The following SYNE2 variants were observed in gnomAD, a reference collection of about 807,000 sequenced individuals.
SYNE2 encodes spectrin repeat containing nuclear envelope protein 2.
SYNE2 carries 431 observed loss-of-function variants against 856.3 expected under a neutral mutation model. That is an observed-to-expected ratio of 0.50 (90% CI 0.47 to 0.55). The LOEUF (loss-of-function observed/expected upper bound fraction) is 0.55. SYNE2 is among the 20% of genes least tolerant of loss of function. The probability of loss-of-function intolerance (pLI) is 0.00; values close to 1 mark genes in which losing one functional copy is unlikely to be tolerated. For synonymous variants in SYNE2, 2,923 were observed against 2,872.3 expected (o/e 1.02, Z -0.56); for missense variants, 8,129 against 8,023.2 (o/e 1.01, Z -0.50).
chr14:63,778,885 T>A (rs557248232), intron 1 of SYNE2, among the ~76,000 whole-genome samples: 16 of 152,182 alleles, frequency 1.1e-4, no homozygotes, highest in Non-Finnish European at 2.1e-4. Flanking sequence ...GCCTTAGTGA[T>A]CCTCCTGCCT....
chr14:64,131,796 G>A (rs1188127294), intron 76 of SYNE2, among the ~76,000 whole-genome samples: 1 of 152,124 alleles, frequency 6.6e-6, no homozygotes, highest in Non-Finnish European at 1.5e-5. Context: ...GATTTAGAAA[G>A]ATCTATCTGG....
In SYNE2 at chr14:63,990,632, G is replaced by T. The variant is rs2096659483; in HGVS notation, c.2472+63G>T. Reference sequence around the variant, plus strand: ...TCTAAAACTGAGGGGTCACTGAGTGGGCAGTGAAGGGGGGTGATAGCCCTG... The same window carrying T: ...TCTAAAACTGAGGGGTCACTGAGTGTGCAGTGAAGGGGGGTGATAGCCCTG... On this transcript the variant is annotated intron_variant, in intron 20 of 115. Transcript: ENST00000555002. 2.1e-6 allele frequency: 3 copies of T among 1,405,374 alleles called. No individual in the cohort carries two copies. The Admixed American group carries it at 5.0e-5, about 24-fold the overall frequency. The allele number at this position is 1,405,374 out of a possible 1,614,324, so 87.1% of individuals were successfully genotyped here.
intron 1 of SYNE2, chr14:63,762,289 G>T (rs1886511698): frequency 5.4e-6 from 1 of 185,164 alleles, no homozygotes; most frequent in Non-Finnish European, 1.1e-5. Flanking sequence ...CAAAAAATTA[G>T]CCGGGCGTGG....
chr14:63,822,758 C>T (rs745847305), intron 1 of SYNE2, among the ~76,000 whole-genome samples: 2 of 152,120 alleles, frequency 1.3e-5, no homozygotes, highest in Admixed American at 6.6e-5. Flanking sequence ...TTCCAACACA[C>T]GCACAGAGCA....
chr14:63,996,064 G>C (rs955622562), intron 23 of SYNE2, among the ~76,000 whole-genome samples: 1 of 152,100 alleles, frequency 6.6e-6, no homozygotes, highest in Admixed American at 6.5e-5. Flanking sequence ...GATATCACCA[G>C]TGTTTTTCGG....
At chr14:64,005,330 A>G (rs1192105471) in intron 30 of SYNE2, among the ~76,000 whole-genome samples, 1 of 152,232 alleles carries the variant, frequency 6.6e-6, no homozygotes, top group Non-Finnish European at 1.5e-5. Flanking sequence ...CCTGGTAGGG[A>G]TGAAGCTGGC....
intron 11 of SYNE2, among the ~76,000 whole-genome samples, chr14:63,971,733 TC>T (rs2153459178): frequency 6.6e-6 from 1 of 152,304 alleles, no homozygotes; most frequent in Admixed American, 6.5e-5. Flanking sequence ...CCTGAAAACT[TC>T]CTTTCACTTA....
At chr14:63,786,119 G>C (rs181142802) in intron 1 of SYNE2, among the ~76,000 whole-genome samples, 5 of 151,966 alleles carry the variant, frequency 3.3e-5, no homozygotes, top group Admixed American at 3.3e-4. Flanking sequence ...GCATGGTGGT[G>C]TGTGCCTGTA....
chr14:63,817,040 C>A (rs1889019889), intron 1 of SYNE2, among the ~76,000 whole-genome samples: 1 of 152,188 alleles, frequency 6.6e-6, no homozygotes, highest in Non-Finnish European at 1.5e-5. Flanking sequence ...CACCACCATG[C>A]CTGACTTGAT....
Position 64,031,035 on chromosome 14 carries a change from G to C in SYNE2, c.6899G>C (p.Ser2300Thr). The C allele has an allele frequency of 1.2e-6, 2 of 1,613,928 alleles. No homozygotes were observed. Among genetic ancestry groups the C allele is most frequent in the Non-Finnish European group, 1.7e-6 (2 of 1,179,916 alleles). Residue 2300 changes from serine (S) to threonine (T), a missense_variant, in exon 45 of 116, where the codon AGT becomes ACT. Physicochemically the swap from Ser to Thr is moderately conservative, Grantham distance 58. Coordinates refer to ENST00000555002, the MANE Select transcript of SYNE2 (RefSeq NM_182914.3). The part of the protein sequence containing the change: ...QKLQELENRL[S>T]LQDGTLKKIL... ...TCGTAGGAACTAGAGAATAGACTCAGTTTACAAGATGGCACATTAAAGAAG... is the reference window on the plus strand; with the variant it reads ...TCGTAGGAACTAGAGAATAGACTCACTTTACAAGATGGCACATTAAAGAAG...
At chr14:64,215,242 C>A (rs375225081) in intron 106 of SYNE2, 44 bp from the exon 107 acceptor site, 13 of 1,565,900 alleles carry the variant, frequency 8.3e-6, no homozygotes, top group Non-Finnish European at 1.1e-5. Context: ...GGGCATTAAT[C>A]TTCAGGCACC....
chr14:63,770,896 G>A (rs973459314), intron 1 of SYNE2, among the ~76,000 whole-genome samples: 2 of 152,040 alleles, frequency 1.3e-5, no homozygotes, highest in African/African-American at 4.8e-5. Flanking sequence ...TTGAGAGACA[G>A]GGTCTCACTA....
chr14:64,144,210 CAAGTATT>C (rs1431261139), intron 83 of SYNE2, among the ~76,000 whole-genome samples: 2 of 152,206 alleles, frequency 1.3e-5, no homozygotes, highest in Non-Finnish European at 2.9e-5. Flanking sequence ...AGGAACATGT[CAAGTATT>C]ATGTCAGACT....
At chr14:64,219,515 G>T (rs546669896) in intron 110 of SYNE2, 105 bp downstream of exon 110, 1 of 1,109,404 alleles carries the variant, frequency 9.0e-7, no homozygotes, top group East Asian at 2.5e-5. Flanking sequence ...GGCGCAGCTT[G>T]CAGATGGTGT....
intron 1 of SYNE2, among the ~76,000 whole-genome samples, chr14:63,834,790 G>A (rs1421285928): frequency 4.0e-5 from 6 of 151,574 alleles, no homozygotes; most frequent in African/African-American, 9.7e-5. Context: ...ACAGGCACAC[G>A]TCATCACACC....
chr14:63,913,783 T>G (rs756364106), intron 2 of SYNE2, among the ~76,000 whole-genome samples: 10 of 151,790 alleles, frequency 6.6e-5, no homozygotes, highest in Non-Finnish European at 1.3e-4. Flanking sequence ...TTTTAAATGA[T>G]TTTGCGATAT....
intron 60 of SYNE2, among the ~76,000 whole-genome samples, chr14:64,092,089 CT>C (rs1045941304): frequency 1.3e-5 from 2 of 152,038 alleles, no homozygotes; most frequent in Non-Finnish European, 2.9e-5. Flanking sequence ...AATGTACTAC[CT>C]TGTAATAATA....
chr14:64,151,585 C>G (rs964659380), intron 84 of SYNE2, among the ~76,000 whole-genome samples: 3 of 149,402 alleles, frequency 2.0e-5, no homozygotes, highest in Non-Finnish European at 3.0e-5. Flanking sequence ...AAGCTGGGAT[C>G]CTTATGCAAA....
intron 10 of SYNE2, among the ~76,000 whole-genome samples, chr14:63,966,572 C>G (rs1271850142): frequency 6.6e-6 from 1 of 151,372 alleles, no homozygotes; most frequent in Non-Finnish European, 1.5e-5. Context: ...TTTTTTTCCC[C>G]CCCCGAGACA....
Sources: gnomAD v4.1 joint callset for allele counts (sites outside exome capture counted in the v4.1 genomes callset) on GRCh38, gnomAD v4.1.1 for gene constraint, MANE v1.5 for transcripts, NCBI Gene and HGNC (gene_info 2026-07-23, HGNC 2026-07-21) for gene names.